CADM2: variants seen among roughly 807,000 people sequenced by gnomAD.
CADM2 encodes cell adhesion molecule 2, also known as immunoglobulin superfamily member 4D.
CADM2 carries 12 observed loss-of-function variants against 49.8 expected under a neutral mutation model. That is an observed-to-expected ratio of 0.24 (90% CI 0.15 to 0.39). CADM2 has a LOEUF of 0.39. CADM2 is among the 10% of genes least tolerant of loss of function. The pLI, the probability that CADM2 is intolerant of heterozygous loss-of-function variation, is 1.00. For missense variants in CADM2, 378 were observed against 492.3 expected, an observed-to-expected ratio of 0.77 and a Z score of 2.20; for synonymous variants, 214 against 175.4, an observed-to-expected ratio of 1.22 and a Z score of -1.74.
At chr3:85,831,086 T>A (rs2074165417) in intron 3 of CADM2, among the ~76,000 whole-genome samples, 1 of 151,766 alleles carries the variant, frequency 6.6e-6, no homozygotes, top group Non-Finnish European at 1.5e-5. Context: ...AGAGAACCTG[T>A]GGTATTTGGT....
intron 8 of CADM2, among the ~76,000 whole-genome samples, chr3:85,999,661 GAA>G (rs1052484381): frequency 5.0e-4 from 73 of 145,218 alleles, no homozygotes; most frequent in African/African-American, 2.0e-3. Flanking sequence ...AAAGAAAAAA[GAA>G]AGAAAGAAAG....
At chr3:85,454,199 A>G (rs558495707) in intron 1 of CADM2, among the ~76,000 whole-genome samples, 26 of 152,240 alleles carry the variant, frequency 1.7e-4, no homozygotes, top group African/African-American at 6.3e-4. Context: ...TACTAAAAAT[A>G]CAAAAATTAG....
intron 3 of CADM2, among the ~76,000 whole-genome samples, chr3:85,849,967 A>C (rs540968419): frequency 6.6e-6 from 1 of 152,346 alleles, no homozygotes; most frequent in East Asian, 1.9e-4. Flanking sequence ...AGGTATTTTT[A>C]ATTCAGGATA....
chr3:86,046,336 C>T (rs1736686358), intron 8 of CADM2, among the ~76,000 whole-genome samples: 2 of 151,936 alleles, frequency 1.3e-5, no homozygotes, highest in African/African-American at 2.4e-5. Context: ...CTATATATGC[C>T]ATTTTACACA....
intron 1 of CADM2, among the ~76,000 whole-genome samples, chr3:85,558,294 T>C (rs2062011708): frequency 6.6e-6 from 1 of 152,006 alleles, no homozygotes; most frequent in Non-Finnish European, 1.5e-5. Context: ...CATCTAAATT[T>C]TGTACCTAAG....
rs115929731 is a variant in CADM2, at chr3:85,175,335, T to C, written c.61+215667T>C. Reference sequence around the variant, plus strand: ...ATATTTATATGCTCATTATTCCCAATAGACAAAAGGTGGAAGCAACCTAAG... The same window carrying C: ...ATATTTATATGCTCATTATTCCCAACAGACAAAAGGTGGAAGCAACCTAAG... On this transcript the variant is annotated intron_variant, in intron 1 of 9. Transcript: ENST00000383699. 8.1e-3 allele frequency among the ~76,000 whole-genome samples: 1,233 copies of C among 152,152 alleles called. 19 individuals carry two copies. The highest frequency in any genetic ancestry group is 0.028 in the African/African-American group (1,174 of 41,516).
At chr3:85,489,757 TGA>T (rs776916810) in intron 1 of CADM2, among the ~76,000 whole-genome samples, 49 of 65,936 alleles carry the variant, frequency 7.4e-4, no homozygotes, top group Admixed American at 2.1e-3. Flanking sequence ...TGTGTGTGTG[TGA>T]GAGAGAGAGA....
intron 1 of CADM2, among the ~76,000 whole-genome samples, chr3:85,526,691 A>C (rs542906040): frequency 2.6e-5 from 4 of 152,158 alleles, no homozygotes; most frequent in African/African-American, 9.7e-5. Context: ...TGTGGCTCAC[A>C]CTAGATCCCT....
intron 1 of CADM2, among the ~76,000 whole-genome samples, chr3:85,226,329 T>C (rs6796363): frequency 0.068 from 10,253 of 151,868 alleles, 1,148 homozygotes; most frequent in African/African-American, 0.23. Context: ...AGAGATACGA[T>C]TTCTTCCTGG....
chr3:85,221,323 G>C (rs2042039739), intron 1 of CADM2, among the ~76,000 whole-genome samples: 1 of 152,048 alleles, frequency 6.6e-6, no homozygotes, highest in Admixed American at 6.6e-5. Flanking sequence ...GGAAAAAAAT[G>C]CTAGTAATCT....
chr3:85,092,376 C>G (rs550569236), intron 1 of CADM2, among the ~76,000 whole-genome samples: 2 of 152,184 alleles, frequency 1.3e-5, no homozygotes, highest in South Asian at 4.1e-4. Context: ...AAGTCATAAT[C>G]AAATTTAGGA....
rs373447374 is a variant in CADM2, at chr3:85,049,327, G to GTTTGTTTATTTA, written c.61+89662_61+89663insGTTTATTTATTT. Among the ~76,000 whole-genome samples the GTTTGTTTATTTA allele has an allele frequency of 3.7e-3, 539 of 146,232 alleles. 4 individuals carry two copies. The highest frequency in any genetic ancestry group is 0.012 in the African/African-American group (485 of 39,040). Reference sequence around the variant, plus strand: ...TAAACCTACATTTGTTGCAGGTTTAGTTTATTTATTTATTTATTTATTTAT... The same window carrying GTTTGTTTATTTA: ...TAAACCTACATTTGTTGCAGGTTTAGTTTGTTTATTTATTTATTTATTTATTTATTTATTTAT... On this transcript the variant is annotated intron_variant, in intron 1 of 9. Coordinates refer to ENST00000383699, the MANE Select transcript of CADM2 (RefSeq NM_001167675.2).
At chr3:85,577,100 G>A (rs1379934351) in intron 1 of CADM2, among the ~76,000 whole-genome samples, 2 of 152,124 alleles carry the variant, frequency 1.3e-5, no homozygotes, top group Non-Finnish European at 1.5e-5. Context: ...CCCCATCTGA[G>A]TCTTTATCCG....
intron 1 of CADM2, among the ~76,000 whole-genome samples, chr3:85,016,087 T>C (rs2034236476): frequency 6.6e-6 from 1 of 152,174 alleles, no homozygotes; most frequent in Non-Finnish European, 1.5e-5. Context: ...AACATATATC[T>C]GAATGAATTA....
chr3:85,083,544 G>C (rs2037254876), intron 1 of CADM2, among the ~76,000 whole-genome samples: 1 of 152,080 alleles, frequency 6.6e-6, no homozygotes, highest in Non-Finnish European at 1.5e-5. Context: ...AGCTCTTAAT[G>C]AAGTGCTGTC....
chr3:86,011,300 T>C (rs1333085934), intron 8 of CADM2, among the ~76,000 whole-genome samples: 1 of 152,148 alleles, frequency 6.6e-6, no homozygotes, highest in Non-Finnish European at 1.5e-5. Context: ...AAAAAGTAAG[T>C]TCATTCACAC....
intron 1 of CADM2, among the ~76,000 whole-genome samples, chr3:84,965,920 T>C (rs1213331199): frequency 6.6e-6 from 1 of 152,202 alleles, no homozygotes; most frequent in Non-Finnish European, 1.5e-5. Context: ...ATTTATCACA[T>C]AGGCAAAGTC....
At chr3:85,469,516 C>A (rs1176966723) in intron 1 of CADM2, among the ~76,000 whole-genome samples, 1 of 152,158 alleles carries the variant, frequency 6.6e-6, no homozygotes, top group East Asian at 1.9e-4. Flanking sequence ...ATTCAAAGAG[C>A]ACCAAATATG....
At chr3:85,805,157 T>C (rs564425752) in intron 3 of CADM2, among the ~76,000 whole-genome samples, 1 of 152,210 alleles carries the variant, frequency 6.6e-6, no homozygotes, top group East Asian at 1.9e-4. Context: ...TTATCCAGGC[T>C]AGGCTGCAAC....
Sources: allele counts gnomAD v4.1 joint callset (sites outside exome capture counted in the v4.1 genomes callset), GRCh38; gene constraint gnomAD v4.1.1; transcripts MANE v1.5; gene names NCBI Gene and HGNC (gene_info 2026-07-23, HGNC 2026-07-21).